JAKMIP3: variants seen among roughly 807,000 people sequenced by gnomAD.
JAKMIP3 encodes the protein janus kinase and microtubule-interacting protein 3.
Under a neutral mutation model 118.5 loss-of-function variants are expected in JAKMIP3, and 58 were observed. That is an observed-to-expected ratio of 0.49 (90% CI 0.40 to 0.61). The LOEUF (loss-of-function observed/expected upper bound fraction) is 0.61, where lower values mean the gene tolerates loss of function less well. Among genes scored for constraint, JAKMIP3 ranks in the 20% least tolerant of loss-of-function variants. JAKMIP3 has a pLI of 0.00. For synonymous variants in JAKMIP3, 486 were observed against 451.2 expected (o/e 1.08, Z -0.98); for missense variants, 950 against 1,109.0 (o/e 0.86, Z 2.04).
At chr10:132,177,588 G>C (rs1376134097) in intron 23 of JAKMIP3, among the ~76,000 whole-genome samples, 1 of 112,448 alleles carries the variant, frequency 8.9e-6, no homozygotes, top group Admixed American at 9.2e-5. Flanking sequence ...CCCTGGGTAG[G>C]GTGCATGTCT....
intron 2 of JAKMIP3, among the ~76,000 whole-genome samples, chr10:132,116,775 C>T (rs1412530679): frequency 3.3e-5 from 4 of 122,692 alleles, no homozygotes; most frequent in Admixed American, 8.2e-5. Context: ...ACGCTCCCCC[C>T]GAATACACAT....
chr10:132,088,502 C>T (rs1225722611), intron 1 of JAKMIP3, among the ~76,000 whole-genome samples: 2 of 152,162 alleles, frequency 1.3e-5, no homozygotes, highest in African/African-American at 2.4e-5. Context: ...TGATAAATGT[C>T]TTCTTTTGAG....
intron 1 of JAKMIP3, among the ~76,000 whole-genome samples, chr10:132,074,607 G>T (rs1177815528): frequency 1.3e-5 from 2 of 152,100 alleles, no homozygotes; most frequent in Admixed American, 6.6e-5. Context: ...ATAGTTTGCA[G>T]ATATTTTCTC....
rs997444716 is a variant in JAKMIP3, at chr10:132,182,972, C to T, written c.*1719C>T. On this transcript the variant is annotated 3_prime_UTR_variant, in exon 24 of 24. Coordinates refer to ENST00000684848, the MANE Select transcript of JAKMIP3 (RefSeq NM_001323087.2). ...CATCCATTTCTGTTGTCATTCAAGCCACAGTTCCTGATTTACTCGGCAAGA... is the reference window on the plus strand; with the variant it reads ...CATCCATTTCTGTTGTCATTCAAGCTACAGTTCCTGATTTACTCGGCAAGA... The T allele has an allele frequency of 6.6e-6, 1 of 152,170 alleles. No individual in the cohort carries two copies. The highest frequency in any genetic ancestry group is 2.4e-5 in the African/African-American group (1 of 41,424). 9.4% of individuals were successfully genotyped at this position (152,170 alleles called of 1,614,324 possible). A position where few individuals can be genotyped will look rare whatever the true frequency, so the allele number is the denominator to read the frequency against.
chr10:132,157,678 C>T (rs1247690091), intron 19 of JAKMIP3, among the ~76,000 whole-genome samples: 4 of 152,208 alleles, frequency 2.6e-5, no homozygotes, highest in Non-Finnish European at 4.4e-5. Context: ...TGCAACTCCA[C>T]GCCACGTCTG....
intron 16 of JAKMIP3, among the ~76,000 whole-genome samples, chr10:132,150,714 C>T (rs2055972321): frequency 6.6e-6 from 1 of 152,110 alleles, no homozygotes; most frequent in Non-Finnish European, 1.5e-5. Flanking sequence ...ATCTATCCGT[C>T]CTCCATAATC....
intron 1 of JAKMIP3, among the ~76,000 whole-genome samples, chr10:132,097,982 T>TTCCCTC (rs2044245216): frequency 1.3e-5 from 1 of 79,628 alleles, no homozygotes; most frequent in Non-Finnish European, 2.8e-5. Context: ...TTTCTCCCCT[T>TTCCCTC]CCCCTTCCCC....
At chr10:132,066,890 C>T (rs368622906) in intron 1 of JAKMIP3, among the ~76,000 whole-genome samples, 15 of 152,192 alleles carry the variant, frequency 9.9e-5, no homozygotes, top group East Asian at 3.9e-4. Context: ...TGAGACTGGC[C>T]GGGAAACCAT....
chr10:132,156,129 C>T (rs1314526172), intron 19 of JAKMIP3, among the ~76,000 whole-genome samples: 1 of 152,226 alleles, frequency 6.6e-6, no homozygotes, highest in Non-Finnish European at 1.5e-5. Flanking sequence ...CCCGCGCCTT[C>T]TGGGACTCCC....
chr10:132,136,260 GGA>G (rs2051751299), intron 6 of JAKMIP3, among the ~76,000 whole-genome samples, 184 bp downstream of exon 6: 1 of 152,240 alleles, frequency 6.6e-6, no homozygotes, highest in Non-Finnish European at 1.5e-5. Context: ...CTGGGGAGGG[GGA>G]CCCTTGGAGG....
Position 132,104,703 on chromosome 10 carries a change from C to T in JAKMIP3, c.-106C>T, listed in dbSNP as rs574555961. On this transcript the variant is annotated 5_prime_UTR_variant, in exon 2 of 24. Transcript: ENST00000684848. ...GAGAAGATGTAGTGTGACAGCAGCC[C>T]GGGTGACACCTGCTGGGAGCTTGGC... 19 of 1,160,476 alleles carry T rather than the reference C, an allele frequency of 1.6e-5. No homozygotes were observed. The highest frequency in any genetic ancestry group is 5.2e-5 in the East Asian group (2 of 38,678). 71.9% of individuals were successfully genotyped at this position (1,160,476 alleles called of 1,614,324 possible).
rs376017609 is a variant in JAKMIP3 at position 132,163,333 on chromosome 10, G to A, written c.2345G>A (p.Arg782His). ...KLKVAVEQWK[R>H]QVMSELRERD... is the part of the protein sequence containing the mutation. ...AAGGTGGCCGTGGAGCAGTGGAAGC[G>A]CCAGGTCATGAGTGAGCTGCGCGAG... is the stretch of plus-strand genomic sequence containing the variant. The change falls in exon 20 of 24, where the codon CGC (arginine) becomes CAC (histidine). Residue 782 changes from arginine (R) to histidine (H), a missense_variant. Physicochemically the swap from Arg to His is conservative, Grantham distance 29 (BLOSUM62 0). Coordinates refer to ENST00000684848, the MANE Select transcript of JAKMIP3 (RefSeq NM_001323087.2). 89 of 1,609,572 alleles carry A rather than the reference G, an allele frequency of 5.5e-5. No individual in the cohort carries two copies. The highest frequency in any genetic ancestry group is 7.5e-5 in the Non-Finnish European group (88 of 1,179,370).
chr10:132,043,990 C>A (rs2037835329), intron 1 of JAKMIP3, among the ~76,000 whole-genome samples: 1 of 152,172 alleles, frequency 6.6e-6, no homozygotes, highest in African/African-American at 2.4e-5. Flanking sequence ...CAGCATGGTC[C>A]CAAAATCCAT....
chr10:132,159,380 G>C (rs67594671), intron 19 of JAKMIP3, among the ~76,000 whole-genome samples: 1 of 84,318 alleles, frequency 1.2e-5, no homozygotes, highest in African/African-American at 4.8e-5. Flanking sequence ...GGTTGGGGGG[G>C]GTCTATTCCT....
chr10:132,133,176 C>T (rs529307970), intron 3 of JAKMIP3, 136 bp from the exon 4 acceptor site: 11 of 749,428 alleles, frequency 1.5e-5, no homozygotes, highest in Non-Finnish European at 2.4e-5. Flanking sequence ...GCCACGGGCT[C>T]CTGCTCTTAG....
At chr10:132,173,016 CCT>C (rs1184204407) in intron 23 of JAKMIP3, among the ~76,000 whole-genome samples, 2 of 5,610 alleles carry the variant, frequency 3.6e-4, no homozygotes, top group Non-Finnish European at 8.7e-4. Context: ...TCTCTCTCTC[CCT>C]CTCTCTCTCC....
In JAKMIP3 at chr10:132,180,574, T is replaced by C. The variant is rs1280283846; in HGVS notation, c.*1104-1783T>C. Among the ~76,000 whole-genome samples, 261 of 42,686 alleles carry C rather than the reference T, an allele frequency of 6.1e-3. 52 individuals carry two copies. The highest frequency in any genetic ancestry group is 0.06 in the East Asian group (11 of 184). The allele number at this position is 42,686 out of a possible 152,430, so 28.0% of individuals were successfully genotyped here. On this transcript the variant is annotated intron_variant, in intron 23 of 23. Coordinates refer to ENST00000684848, the MANE Select transcript of JAKMIP3 (RefSeq NM_001323087.2). ...GCGTGCATGCGTGTGTGTGCGTGTG[T>C]GTGTGCGTGCGCGTGTGTGTGTGCG...
intron 1 of JAKMIP3, among the ~76,000 whole-genome samples, chr10:132,048,159 C>G (rs903545416): frequency 1.3e-5 from 2 of 152,216 alleles, no homozygotes; most frequent in Non-Finnish European, 2.9e-5. Context: ...GGCGATGTTG[C>G]TGGACCACGG....
intron 1 of JAKMIP3, among the ~76,000 whole-genome samples, chr10:132,103,840 C>CA (rs1186075940): frequency 1.3e-5 from 2 of 151,952 alleles, no homozygotes; most frequent in Admixed American, 6.6e-5. Context: ...ACCCTATCTC[C>CA]AAAAAAAGAA....
Sources: gnomAD v4.1 joint callset for allele counts (sites outside exome capture counted in the v4.1 genomes callset) on GRCh38, gnomAD v4.1.1 for gene constraint, MANE v1.5 for transcripts, NCBI Gene and HGNC (gene_info 2026-07-23, HGNC 2026-07-21) for gene names.